Variants in SVEP1 observed in about 807,000 individuals in gnomAD.
The protein encoded by SVEP1 is sushi, von Willebrand factor type A, EGF and pentraxin domain containing 1, also known as sushi, von Willebrand factor type A, EGF and pentraxin domain-containing protein 1.
In SVEP1, 164 loss-of-function variants were observed where a neutral mutation model predicts 367.3. That is an observed-to-expected ratio of 0.45 (90% CI 0.39 to 0.51). The LOEUF is 0.51. Among genes scored for constraint, SVEP1 ranks in the 20% least tolerant of loss-of-function variants. SVEP1 has a pLI of 0.00. For missense variants in SVEP1, 4,117 were observed against 4,425.3 expected (o/e 0.93, Z 1.98); for synonymous variants, 1,666 against 1,611.6 (o/e 1.03, Z -0.81).
At chr9:110,375,295 TCA>T in intron 46 of SVEP1, 71 bp downstream of exon 46, 1 of 1,332,894 alleles carries the variant, frequency 7.5e-7, no homozygotes, top group South Asian at 1.3e-5. Flanking sequence ...TGAGTCTAAG[TCA>T]CACTCTTCAA....
At chr9:110,522,610 G>A (rs552773175) in intron 3 of SVEP1, among the ~76,000 whole-genome samples, 1 of 152,308 alleles carries the variant, frequency 6.6e-6, no homozygotes, top group Admixed American at 6.5e-5. Flanking sequence ...TAAAGAAAGA[G>A]AGAATCGGCA....
Position 110,579,335 on chromosome 9 carries a change from C to T in SVEP1, c.209G>A (p.Arg70Gln), listed in dbSNP as rs778787622. Residue 70 changes from arginine (R) to glutamine (Q), a missense_variant, in exon 1 of 48, where the codon CGA becomes CAA. By Grantham distance (43) the Arg-to-Gln change is conservative. This residue lies in a region of SVEP1 where 161 missense variants were observed against 122.4 expected (regional missense o/e 1.32). Transcript: ENST00000374469. This position sits in a 1 kb window ranked among gnomAD's most constrained non-coding sequence, Gnocchi z 5.3. ...RVERLGQAFR[R>Q]RVRLLRELSE... is the part of the protein sequence containing the mutation. ...GAGCTCCCGCAGCAGCCGCACGCGT[C>T]GCCGGAACGCCTGGCCCAGCCGCTC... 4.5e-6 allele frequency: 7 copies of T among 1,555,466 alleles called. No individual in the cohort carries two copies. The South Asian group carries it at 5.9e-5, about 13-fold the overall frequency.
chr9:110,443,606 G>T lies in SVEP1; in HGVS notation c.4578C>A (p.Val1526=). The change falls in exon 27 of 48, where the codon GTC becomes GTA. Residue 1526 remains valine, a synonymous_variant. Coordinates refer to ENST00000374469, the MANE Select transcript of SVEP1 (RefSeq NM_153366.4). ...CGTCAGATAATTTCCCATCGATATA[G>T]ACTTTCCAGATGCCATTGGCACTTG... ...TWTSANGIWK[V]YIDGKLSDGG... 1 of 1,613,168 alleles carries T rather than the reference G, an allele frequency of 6.2e-7. No homozygotes were observed. Among genetic ancestry groups the T allele is most frequent in the East Asian group, 2.2e-5 (1 of 44,824 alleles).
intron 16 of SVEP1, among the ~76,000 whole-genome samples, chr9:110,469,739 C>T (rs980163949): frequency 9.9e-5 from 15 of 152,114 alleles, no homozygotes; most frequent in Non-Finnish European, 1.8e-4. Flanking sequence ...TTGTTAAACA[C>T]GCAGATTTCA....
chr9:110,487,761 T>C (rs1210299571), intron 9 of SVEP1, among the ~76,000 whole-genome samples: 2 of 152,190 alleles, frequency 1.3e-5, no homozygotes, highest in Non-Finnish European at 2.9e-5. Context: ...GTGGTTTATA[T>C]ATTATCACAA....
intron 18 of SVEP1, among the ~76,000 whole-genome samples, chr9:110,463,696 A>T (rs942939653): frequency 1.3e-5 from 2 of 152,010 alleles, no homozygotes; most frequent in Non-Finnish European, 2.9e-5. Flanking sequence ...CAGGTGAAAG[A>T]AAAAGAAAGG....
intron 5 of SVEP1, among the ~76,000 whole-genome samples, chr9:110,504,957 C>A (rs902541167): frequency 6.6e-6 from 1 of 152,154 alleles, no homozygotes; most frequent in African/African-American, 2.4e-5. Context: ...GCAGGCACAA[C>A]TTGTGACATG....
At chr9:110,425,342 C>G (rs868158893) in intron 36 of SVEP1, among the ~76,000 whole-genome samples, 1 of 152,124 alleles carries the variant, frequency 6.6e-6, no homozygotes, top group Non-Finnish European at 1.5e-5. Context: ...TTACATCATA[C>G]TTCATATATA....
At chr9:110,378,665 T>C (rs899537818) in intron 44 of SVEP1, among the ~76,000 whole-genome samples, 5 of 146,680 alleles carry the variant, frequency 3.4e-5, no homozygotes, top group Admixed American at 7.0e-5. Context: ...AGACATGAAG[T>C]CCTTGCCCAT....
intron 3 of SVEP1, among the ~76,000 whole-genome samples, chr9:110,540,164 T>TATC (rs1371920087): frequency 2.0e-5 from 3 of 152,174 alleles, no homozygotes; most frequent in Non-Finnish European, 1.5e-5. Flanking sequence ...TCATTATCAT[T>TATC]ATCATCATCA....
chr9:110,513,923 C>A, intron 4 of SVEP1, 25 bp downstream of exon 4: 2 of 1,596,564 alleles, frequency 1.3e-6, no homozygotes, highest in South Asian at 2.3e-5. Context: ...TTATATTTCC[C>A]ATTTTCCAAC....
chr9:110,407,255 A>G lies in SVEP1; in HGVS notation c.8345T>C (p.Met2782Thr). The G allele has an allele frequency of 6.2e-7, 1 of 1,613,918 alleles. No individual in the cohort carries two copies. Among genetic ancestry groups the G allele is most frequent in the Non-Finnish European group, 8.5e-7 (1 of 1,179,880 alleles). Reference sequence around the variant, plus strand: ...GTTGCTTCCTTTGATGGATCCATTCATGACTGGATTTGGCTTTTTGCATGA... The same window carrying G: ...GTTGCTTCCTTTGATGGATCCATTCGTGACTGGATTTGGCTTTTTGCATGA... ...AISCKKPNPV[M>T]NGSIKGSNYT... Residue 2782 changes from methionine to threonine, a missense_variant, in exon 38 of 48, where the codon ATG becomes ACG. Met to Thr is a moderately conservative substitution (Grantham distance 81). Coordinates refer to ENST00000374469, the MANE Select transcript of SVEP1 (RefSeq NM_153366.4).
chr9:110,366,775 C>G (rs1827208546), intron 47 of SVEP1, among the ~76,000 whole-genome samples: 1 of 152,272 alleles, frequency 6.6e-6, no homozygotes, highest in African/African-American at 2.4e-5. Context: ...AAGCATCAGA[C>G]CTGAGTTTTA....
intron 18 of SVEP1, among the ~76,000 whole-genome samples, chr9:110,464,880 T>G (rs766944609): frequency 6.6e-6 from 1 of 152,112 alleles, no homozygotes; most frequent in African/African-American, 2.4e-5. Context: ...TAGTTGCAAT[T>G]TTTTGGAATT....
At position 110,457,360 on chromosome 9, in the gene SVEP1, T is replaced by C. The variant is rs188285051; in HGVS notation, c.3577-8A>G. On this transcript the variant is annotated splice_region_variant and splice_polypyrimidine_tract_variant and intron_variant, in intron 20 of 47. Coordinates refer to ENST00000374469, the MANE Select transcript of SVEP1 (RefSeq NM_153366.4). ...GAAGCATTCATGGAAAACCTACCAG[T>C]AGCATAAAAAAATCAATCAGAGACA... 8.6e-4 allele frequency: 1,381 copies of C among 1,600,952 alleles called. 2 individuals carry two copies. The highest frequency in any genetic ancestry group is 1.1e-3 in the Non-Finnish European group (1,273 of 1,173,026).
In SVEP1 at chr9:110,472,244, T is replaced by C; in HGVS notation, c.2679A>G (p.Thr893=). The C allele has an allele frequency of 3.7e-6, 6 of 1,613,726 alleles. No individual in the cohort carries two copies. The highest frequency in any genetic ancestry group is 5.1e-6 in the Non-Finnish European group (6 of 1,179,818). Residue 893 remains threonine, a synonymous_variant, in exon 15 of 48, where the codon ACA becomes ACG. Transcript: ENST00000374469. ...GTGAGGACTTGGCATTGCCGATGCT[T>C]GTGGCTGTTTCTTGCACAGTGTCCA... ...DFLDTVQETA[T]SIGNAKSSRI... is the part of the protein sequence containing the mutation.
At position 110,379,460 on chromosome 9, in the gene SVEP1, T is replaced by C; in HGVS notation, c.10295A>G (p.Tyr3432Cys). The C allele has an allele frequency of 6.2e-7, 1 of 1,613,844 alleles. No homozygotes were observed. The highest frequency in any genetic ancestry group is 1.1e-5 in the South Asian group (1 of 91,076). ...VENAIARGVHYQYGDMITYSC... is the reference protein window; with the variant it reads ...VENAIARGVHCQYGDMITYSC... The stretch of plus-strand genomic sequence containing the variant: ...GTAGGTGATCATGTCTCCATATTGA[T>C]AATGTACGCCTCGAGCAATTGCATT... Residue 3432 changes from tyrosine to cysteine, a missense_variant, in exon 44 of 48, where the codon TAT becomes TGT. Coordinates refer to ENST00000374469, the MANE Select transcript of SVEP1 (RefSeq NM_153366.4).
At position 110,490,977 on chromosome 9, in the gene SVEP1, G is replaced by A. The variant is rs182651080; in HGVS notation, c.1801-1198C>T. ...AAGATTAGAAAGCTACTCATGAAAT[G>A]ATTTGATAAGCATCCAAAAATATTT... is the stretch of plus-strand genomic sequence containing the variant. On this transcript the variant is annotated intron_variant, in intron 8 of 47. Transcript: ENST00000374469. Among the ~76,000 whole-genome samples the A allele has an allele frequency of 4.3e-3, 651 of 151,936 alleles. 6 individuals are homozygous for A. Among genetic ancestry groups the A allele is most frequent in the African/African-American group, 0.015 (616 of 41,492 alleles).
chr9:110,479,084 G>C (rs1554718287), intron 13 of SVEP1, among the ~76,000 whole-genome samples: 1 of 151,742 alleles, frequency 6.6e-6, no homozygotes, highest in Non-Finnish European at 1.5e-5. Flanking sequence ...TGCCTGGCTA[G>C]TTTTTTTGTA....
Sources: gnomAD v4.1 joint callset for allele counts (sites outside exome capture counted in the v4.1 genomes callset) on GRCh38, gnomAD v4.1.1 for gene constraint, gnomAD v4.1.1 regional missense constraint, Gnocchi (gnomAD v3.1) non-coding constraint, MANE v1.5 for transcripts, NCBI Gene and HGNC (gene_info 2026-07-23, HGNC 2026-07-21) for gene names.